SEMA3A: variants seen among roughly 807,000 people sequenced by gnomAD.
SEMA3A encodes semaphorin-3A.
Under a neutral mutation model 97.9 loss-of-function variants are expected in SEMA3A, and 29 were observed. The observed-to-expected ratio is 0.30, with a 90% confidence interval of 0.22 to 0.40. The LOEUF (loss-of-function observed/expected upper bound fraction) is 0.40, where lower values mean the gene tolerates loss of function less well. Among genes scored for constraint, SEMA3A ranks in the 10% least tolerant of loss-of-function variants. The pLI is 1.00. For missense variants in SEMA3A, 763 were observed against 951.3 expected (o/e 0.80, Z 2.60); for synonymous variants, 321 against 323.7 (o/e 0.99, Z 0.09).
At position 84,073,367 on chromosome 7, in the gene SEMA3A, T is replaced by C. The variant is rs376211141; in HGVS notation, c.454-12809A>G. Reference sequence around the variant, plus strand: ...AAGCAGGGAGACAGATTATTCTATCTAGAGAAAATAGCACCAGCAAAATTT... The same window carrying C: ...AAGCAGGGAGACAGATTATTCTATCCAGAGAAAATAGCACCAGCAAAATTT... On this transcript the variant is annotated intron_variant, in intron 4 of 16. Coordinates refer to ENST00000265362, the MANE Select transcript of SEMA3A (RefSeq NM_006080.3). Among the ~76,000 whole-genome samples, 5 of 151,908 alleles carry C rather than the reference T, an allele frequency of 3.3e-5. No individual in the cohort carries two copies. The East Asian group carries it at 9.6e-4, about 29-fold the overall frequency.
intron 12 of SEMA3A, among the ~76,000 whole-genome samples, chr7:83,988,682 C>A (rs1417640284): frequency 6.6e-6 from 1 of 151,642 alleles, no homozygotes; most frequent in African/African-American, 2.4e-5. Context: ...AATTTTTATA[C>A]CTTAAATGAA....
chr7:84,060,579 G>C, intron 4 of SEMA3A, 21 bp from the exon 5 acceptor site: 1 of 1,491,082 alleles, frequency 6.7e-7, no homozygotes, highest in Non-Finnish European at 9.0e-7. Flanking sequence ...AAAAAAGAAA[G>C]AGAAAAGGGT....
intron 1 of SEMA3A, among the ~76,000 whole-genome samples, chr7:84,463,409 C>A (rs372117904): frequency 3.3e-5 from 5 of 151,704 alleles, no homozygotes; most frequent in African/African-American, 1.2e-4. Context: ...CCACCACGCC[C>A]GGCTAATTTT....
chr7:84,484,036 C>A (rs1399272791), intron 1 of SEMA3A, among the ~76,000 whole-genome samples: 1 of 149,000 alleles, frequency 6.7e-6, no homozygotes, highest in Non-Finnish European at 1.5e-5. Context: ...AAGAGTGAAA[C>A]TCTGTCTCAA....
intron 2 of SEMA3A, among the ~76,000 whole-genome samples, chr7:84,312,743 T>A (rs1008012554): frequency 3.5e-5 from 5 of 142,034 alleles, no homozygotes; most frequent in Admixed American, 1.4e-4. Flanking sequence ...TGCTATCATT[T>A]TAATTAGGCC....
intron 1 of SEMA3A, among the ~76,000 whole-genome samples, chr7:84,141,927 C>T (rs1796306328): frequency 6.6e-6 from 1 of 152,128 alleles, no homozygotes; most frequent in African/African-American, 2.4e-5. Flanking sequence ...GAACAAGATG[C>T]ATGTACTTGA....
intron 1 of SEMA3A, among the ~76,000 whole-genome samples, chr7:84,447,660 G>A (rs1032601149): frequency 1.3e-5 from 2 of 152,148 alleles, no homozygotes; most frequent in African/African-American, 2.4e-5. Context: ...CTGTTCTGTC[G>A]CTCAATAAAG....
intron 1 of SEMA3A, among the ~76,000 whole-genome samples, chr7:84,458,742 A>G (rs1163187276): frequency 1.3e-5 from 2 of 152,116 alleles, no homozygotes; most frequent in East Asian, 3.9e-4. Context: ...ACATATATAC[A>G]ATGTTTAAGG....
chr7:84,251,577 C>CAAT (rs1799610499), intron 3 of SEMA3A, among the ~76,000 whole-genome samples: 1 of 152,182 alleles, frequency 6.6e-6, no homozygotes, highest in Admixed American at 6.5e-5. Context: ...TCTTGAAAGG[C>CAAT]TATTCATGGA....
At chr7:84,327,757 C>G (rs934185898) in intron 2 of SEMA3A, among the ~76,000 whole-genome samples, 1 of 151,930 alleles carries the variant, frequency 6.6e-6, no homozygotes, top group Non-Finnish European at 1.5e-5. Flanking sequence ...AGTAATGTGG[C>G]ATTTCATCAG....
chr7:84,255,877 T>C (rs2115635112), intron 3 of SEMA3A, among the ~76,000 whole-genome samples: 1 of 152,180 alleles, frequency 6.6e-6, no homozygotes, highest in East Asian at 1.9e-4. Flanking sequence ...GTCCTCTTTA[T>C]TATGATGGCA....
chr7:84,099,128 T>TATAAATAA lies in SEMA3A; in HGVS notation c.453+11341_453+11342insTTATTTAT, dbSNP rs1304608051. The stretch of plus-strand genomic sequence containing the variant: ...CTCTGTCGCCCAGGCTGGAGTGCAG[T>TATAAATAA]GGCGCGATCTCGGCTCACTGCAAGC... On this transcript the variant is annotated intron_variant, in intron 4 of 16. Transcript: ENST00000265362. Among the ~76,000 whole-genome samples the TATAAATAA allele has an allele frequency of 1.2e-4, 6 of 52,008 alleles. 3 individuals are homozygous for TATAAATAA. The highest frequency in any genetic ancestry group is 3.8e-4 in the Non-Finnish European group (6 of 15,846). The allele number at this position is 52,008 out of a possible 152,430, so 34.1% of individuals were successfully genotyped here.
At chr7:84,229,168 A>T (rs1799060102) in intron 3 of SEMA3A, among the ~76,000 whole-genome samples, 1 of 152,082 alleles carries the variant, frequency 6.6e-6, no homozygotes, top group Admixed American at 6.6e-5. Context: ...TGGCAAAAAA[A>T]AAAGTTTTTT....
intron 1 of SEMA3A, among the ~76,000 whole-genome samples, chr7:84,150,623 A>G (rs957581368): frequency 6.6e-6 from 1 of 152,140 alleles, no homozygotes; most frequent in African/African-American, 2.4e-5. Context: ...CTAGCACAGC[A>G]GTCTGAGATC....
intron 3 of SEMA3A, among the ~76,000 whole-genome samples, chr7:84,293,931 G>A (rs1800809278): frequency 6.6e-6 from 1 of 151,980 alleles, no homozygotes. Flanking sequence ...TTAAAAAACA[G>A]TATTTCAGTG....
upstream of SEMA3A, among the ~76,000 whole-genome samples, chr7:84,196,056 A>T (rs550761536): frequency 1.6e-4 from 25 of 152,254 alleles, no homozygotes; most frequent in South Asian, 4.1e-4. Context: ...TGTATAAAAA[A>T]GTTAACAGGA....
intron 3 of SEMA3A, among the ~76,000 whole-genome samples, chr7:84,205,063 A>G (rs562295683): frequency 3.3e-5 from 5 of 152,360 alleles, no homozygotes; most frequent in African/African-American, 1.2e-4. Context: ...CCTAAGTCAC[A>G]AACTGCATGA....
chr7:84,247,761 A>T (rs1799510959), intron 3 of SEMA3A, among the ~76,000 whole-genome samples: 1 of 152,206 alleles, frequency 6.6e-6, no homozygotes, highest in Non-Finnish European at 1.5e-5. Context: ...CCACCTGGTA[A>T]CTGTTGGTAG....
intron 2 of SEMA3A, among the ~76,000 whole-genome samples, chr7:84,355,286 G>C (rs769146514): frequency 3.5e-4 from 53 of 151,814 alleles, no homozygotes; most frequent in Non-Finnish European, 6.0e-4. Flanking sequence ...TTAAAGTACA[G>C]ATACACCTTT....
Sources: gnomAD v4.1 joint callset for allele counts (sites outside exome capture counted in the v4.1 genomes callset) on GRCh38, gnomAD v4.1.1 for gene constraint, MANE v1.5 for transcripts, NCBI Gene and HGNC (gene_info 2026-07-23, HGNC 2026-07-21) for gene names.